The following ATP10B variants were observed in gnomAD, a reference collection of about 807,000 sequenced individuals.
The protein encoded by ATP10B is phospholipid-transporting ATPase VB.
In ATP10B, 122 loss-of-function variants were observed where a neutral mutation model predicts 141.2. That is an observed-to-expected ratio of 0.86 (90% CI 0.75 to 1.00). The LOEUF is 1.00. Among genes scored for constraint, ATP10B ranks in the 50% least tolerant of loss-of-function variants. The probability of loss-of-function intolerance (pLI) is 0.00; values close to 1 mark genes in which losing one functional copy is unlikely to be tolerated. For synonymous variants in ATP10B, 685 were observed against 692.0 expected, an observed-to-expected ratio of 0.99 and a Z score of 0.16; for missense variants, 1,876 against 1,825.3, an observed-to-expected ratio of 1.03 and a Z score of -0.51.
At chr5:160,647,798 G>A (rs1760401261) in intron 8 of ATP10B, among the ~76,000 whole-genome samples, 1 of 152,130 alleles carries the variant, frequency 6.6e-6, no homozygotes, top group South Asian at 2.1e-4. Flanking sequence ...TTCTCTGCTT[G>A]TCTCCTTCTG....
chr5:160,878,210 G>A, the ATP10B span, among the ~76,000 whole-genome samples: 2 of 150,870 alleles, frequency 1.3e-5, no homozygotes, highest in Admixed American at 6.6e-5. Flanking sequence ...ACAGAACAGA[G>A]CCCTCAGAAA....
At chr5:160,832,831 A>C (rs1775182649) in intron 1 of ATP10B, among the ~76,000 whole-genome samples, 1 of 152,154 alleles carries the variant, frequency 6.6e-6, no homozygotes, top group African/African-American at 2.4e-5. Context: ...AAAACCTGCC[A>C]TAGGTGGGGG....
chr5:160,776,310 C>T (rs550008731), intron 2 of ATP10B, among the ~76,000 whole-genome samples: 21 of 152,288 alleles, frequency 1.4e-4, no homozygotes, highest in South Asian at 6.2e-4. Flanking sequence ...TGGTCTTGGG[C>T]AAGTTATTTA....
At chr5:160,608,208 C>T (rs760303765) in intron 18 of ATP10B, among the ~76,000 whole-genome samples, 1 of 151,982 alleles carries the variant, frequency 6.6e-6, no homozygotes, top group Non-Finnish European at 1.5e-5. Flanking sequence ...TGATAGTTTG[C>T]TGAGAATGAT....
intron 3 of ATP10B, among the ~76,000 whole-genome samples, chr5:160,708,420 A>G (rs1028204555): frequency 4.6e-5 from 7 of 152,130 alleles, no homozygotes; most frequent in African/African-American, 1.2e-4. Flanking sequence ...AATTTTCTCA[A>G]TCTTTTTAGA....
At chr5:160,897,312 A>G in the ATP10B span, among the ~76,000 whole-genome samples, 3 of 152,202 alleles carry the variant, frequency 2.0e-5, no homozygotes, top group African/African-American at 4.8e-5. Context: ...TCAACCCCAA[A>G]TTCCTTAAGC....
At position 160,591,157 on chromosome 5, in the gene ATP10B, A is replaced by T. The variant is rs1269304880; in HGVS notation, c.3565-18T>A. On this transcript the variant is annotated intron_variant, in intron 22 of 25. Transcript: ENST00000327245. ...TTATAGCACTGCCAGGAGAGAACAC[A>T]CCAATAATTATCACCCTTATAGCAA... The T allele has an allele frequency of 1.2e-6, 2 of 1,603,542 alleles. No homozygotes were observed. Among genetic ancestry groups the T allele is most frequent in the Non-Finnish European group, 1.7e-6 (2 of 1,174,350 alleles).
chr5:160,590,853 C>T (rs994424332), intron 23 of ATP10B, among the ~76,000 whole-genome samples: 5 of 152,174 alleles, frequency 3.3e-5, no homozygotes, highest in African/African-American at 1.2e-4. Context: ...ATATAGCTTT[C>T]AGTTTTTCAA....
chr5:160,700,425 CTT>C (rs1343340378), intron 3 of ATP10B, among the ~76,000 whole-genome samples: 1 of 152,194 alleles, frequency 6.6e-6, no homozygotes, highest in Non-Finnish European at 1.5e-5. Context: ...CTCACCTCGA[CTT>C]ATGTCAAGTC....
chr5:160,894,354 T>A, the ATP10B span, among the ~76,000 whole-genome samples: 1 of 152,068 alleles, frequency 6.6e-6, no homozygotes, highest in South Asian at 2.1e-4. Flanking sequence ...TAGAGAAGAA[T>A]ACAAATGACC....
intron 8 of ATP10B, among the ~76,000 whole-genome samples, chr5:160,646,782 T>C (rs1388596478): frequency 6.6e-6 from 1 of 152,228 alleles, no homozygotes; most frequent in Non-Finnish European, 1.5e-5. Flanking sequence ...CAAAGAATGG[T>C]AGAAAAGGAT....
At chr5:160,828,601 T>G (rs887678057) in intron 1 of ATP10B, among the ~76,000 whole-genome samples, 1 of 151,452 alleles carries the variant, frequency 6.6e-6, no homozygotes, top group African/African-American at 2.5e-5. Flanking sequence ...ACTTTTACAC[T>G]GTTGGTGGGA....
intron 4 of ATP10B, among the ~76,000 whole-genome samples, 156 bp downstream of exon 4, chr5:160,688,604 C>A (rs373564997): frequency 2.0e-5 from 3 of 152,176 alleles, no homozygotes; most frequent in African/African-American, 7.2e-5. Context: ...ACTATTCTTT[C>A]TATACTTATT....
At chr5:160,727,083 A>G (rs1340606976) in intron 2 of ATP10B, among the ~76,000 whole-genome samples, 1 of 152,232 alleles carries the variant, frequency 6.6e-6, no homozygotes, top group Non-Finnish European at 1.5e-5. Context: ...GGCACATGTC[A>G]TCAGGACTTT....
intron 3 of ATP10B, among the ~76,000 whole-genome samples, chr5:160,703,571 G>C (rs1225927138): frequency 6.6e-6 from 1 of 151,830 alleles, no homozygotes; most frequent in African/African-American, 2.4e-5. Flanking sequence ...CTGCCTCCTG[G>C]ATTCAAGCCA....
intron 13 of ATP10B, among the ~76,000 whole-genome samples, chr5:160,631,481 G>A (rs1316383766): frequency 2.0e-5 from 3 of 152,246 alleles, no homozygotes; most frequent in Non-Finnish European, 2.9e-5. Context: ...CATAAGGGCC[G>A]AAGGGAATTA....
intron 3 of ATP10B, among the ~76,000 whole-genome samples, chr5:160,706,195 A>T (rs1400704248): frequency 6.6e-6 from 1 of 152,224 alleles, no homozygotes; most frequent in Admixed American, 6.5e-5. Context: ...CAAGGTTTAA[A>T]ATATTGTGAG....
At chr5:160,693,473 A>AG (rs1454826391) in intron 3 of ATP10B, among the ~76,000 whole-genome samples, 1 of 145,074 alleles carries the variant, frequency 6.9e-6, no homozygotes, top group Non-Finnish European at 1.5e-5. Context: ...TAGTCAGGGA[A>AG]GGGCTCGTGG....
intron 13 of ATP10B, among the ~76,000 whole-genome samples, chr5:160,625,940 G>A (rs531190018): frequency 1.4e-4 from 21 of 152,142 alleles, no homozygotes; most frequent in South Asian, 2.1e-4. Context: ...AAAGGCCTTC[G>A]CTGTAAAAGG....
Sources: allele counts gnomAD v4.1 joint callset (sites outside exome capture counted in the v4.1 genomes callset), GRCh38; gene constraint gnomAD v4.1.1; transcripts MANE v1.5; gene names NCBI Gene and HGNC (gene_info 2026-07-23, HGNC 2026-07-21).